The following FHIT variants were observed in gnomAD, a reference collection of about 807,000 sequenced individuals.
The protein encoded by FHIT is bis(5'-adenosyl)-triphosphatase.
Under a neutral mutation model 17.9 loss-of-function variants are expected in FHIT, and 19 were observed. That is an observed-to-expected ratio of 1.06 (90% CI 0.74 to 1.56). FHIT has a LOEUF of 1.56. Ranked by LOEUF, FHIT falls within the 40% of genes most tolerant of loss-of-function variation. The probability of loss-of-function intolerance (pLI) is 0.00; values close to 1 mark genes in which losing one functional copy is unlikely to be tolerated. For synonymous variants in FHIT, 81 were observed against 69.7 expected (o/e 1.16, Z -0.81); for missense variants, 248 against 189.2 (o/e 1.31, Z -1.82).
chr3:60,082,727 T>G (rs1390688975), intron 5 of FHIT, among the ~76,000 whole-genome samples: 1 of 152,140 alleles, frequency 6.6e-6, no homozygotes, highest in African/African-American at 2.4e-5. Flanking sequence ...TGATGATTAG[T>G]GAGGTTGAGC....
chr3:60,532,600 A>T lies in FHIT; in HGVS notation c.103+4260T>A, dbSNP rs751793828. Among the ~76,000 whole-genome samples the T allele has an allele frequency of 1.1e-4, 16 of 152,228 alleles. 1 individual carries two copies. Among genetic ancestry groups the T allele is most frequent in the Middle Eastern group, 6.3e-3 (2 of 316 alleles). ...TTTTCCAGTAACAAGAAATTAATGG[A>T]TTAAAGACATTCTGACATATTCTTC... On this transcript the variant is annotated intron_variant, in intron 5 of 9. Transcript: ENST00000492590.
At chr3:60,232,245 T>C (rs184454279) in intron 5 of FHIT, among the ~76,000 whole-genome samples, 59 of 152,276 alleles carry the variant, frequency 3.9e-4, no homozygotes, top group African/African-American at 1.3e-3. Flanking sequence ...GGTAGGGTGA[T>C]GGAGGTGTTT....
chr3:61,172,944 G>C (rs918516784), intron 2 of FHIT, among the ~76,000 whole-genome samples: 9 of 152,234 alleles, frequency 5.9e-5, no homozygotes, highest in African/African-American at 2.2e-4. Flanking sequence ...GAGTAAAGCA[G>C]GCCTAGCCAA....
intron 2 of FHIT, among the ~76,000 whole-genome samples, chr3:61,067,493 C>T (rs1259126243): frequency 2.7e-5 from 4 of 148,272 alleles, no homozygotes; most frequent in African/African-American, 4.9e-5. Context: ...ACCCAAGAAG[C>T]TCACCTGAGC....
intron 2 of FHIT, among the ~76,000 whole-genome samples, chr3:61,091,346 A>C (rs1364549035): frequency 6.6e-6 from 1 of 152,216 alleles, no homozygotes; most frequent in Admixed American, 6.5e-5. Flanking sequence ...GCCTCTTATT[A>C]ATCTAAGAAG....
chr3:60,382,764 T>A (rs1393191025), intron 5 of FHIT, among the ~76,000 whole-genome samples: 2 of 152,182 alleles, frequency 1.3e-5, no homozygotes, highest in Admixed American at 1.3e-4. Flanking sequence ...TAAAAAGAAC[T>A]GTATACAACA....
chr3:60,476,177 AC>A (rs962640861), intron 5 of FHIT, among the ~76,000 whole-genome samples: 12 of 152,202 alleles, frequency 7.9e-5, no homozygotes, highest in African/African-American at 2.9e-4. Context: ...TATTTAACGT[AC>A]CTGAGCCTCA....
intron 5 of FHIT, among the ~76,000 whole-genome samples, chr3:60,307,243 G>A (rs867533902): frequency 6.6e-6 from 1 of 152,104 alleles, no homozygotes; most frequent in Admixed American, 6.6e-5. Context: ...AACATCTACA[G>A]AGAAGTCTTA....
chr3:60,406,335 G>A (rs1460433393), intron 5 of FHIT, among the ~76,000 whole-genome samples: 1 of 152,128 alleles, frequency 6.6e-6, no homozygotes, highest in Non-Finnish European at 1.5e-5. Flanking sequence ...CTGAGAACCA[G>A]GCAATCTTAC....
At chr3:60,595,209 G>T (rs185692333) in intron 4 of FHIT, among the ~76,000 whole-genome samples, 8 of 152,130 alleles carry the variant, frequency 5.3e-5, no homozygotes, top group Non-Finnish European at 1.5e-5. Context: ...AGAGAACAGA[G>T]AAAAAAGCTA....
chr3:60,950,207 A>T (rs1708816597), intron 3 of FHIT, among the ~76,000 whole-genome samples: 1 of 152,234 alleles, frequency 6.6e-6, no homozygotes, highest in Non-Finnish European at 1.5e-5. Flanking sequence ...GTGAGGCATG[A>T]CTACACTATG....
chr3:60,156,974 G>A (rs554999270), intron 5 of FHIT, among the ~76,000 whole-genome samples: 33 of 151,732 alleles, frequency 2.2e-4, no homozygotes, highest in South Asian at 1.3e-3. Context: ...TGTTAGATAC[G>A]ACTCTTATGA....
chr3:60,585,518 T>C (rs1365311092), intron 4 of FHIT, among the ~76,000 whole-genome samples: 1 of 152,034 alleles, frequency 6.6e-6, no homozygotes, highest in Non-Finnish European at 1.5e-5. Flanking sequence ...CAACAAAATA[T>C]TTAATGAAAT....
chr3:59,916,403 C>T (rs371532063), intron 8 of FHIT, among the ~76,000 whole-genome samples: 3 of 152,232 alleles, frequency 2.0e-5, no homozygotes, highest in African/African-American at 4.8e-5. Context: ...CTTGCTCCTC[C>T]GCTTGCAGAT....
intron 5 of FHIT, among the ~76,000 whole-genome samples, chr3:60,229,428 AAAAAAAAAAGAAAAAG>A (rs1234391435): frequency 1.3e-5 from 2 of 151,904 alleles, no homozygotes; most frequent in Admixed American, 1.3e-4. Flanking sequence ...CAAAAAGAAA[AAAAAAAAAAGAAAAAG>A]AAAAGAAAAG....
chr3:59,792,902 A>G (rs1035573478), intron 8 of FHIT, among the ~76,000 whole-genome samples: 4 of 151,220 alleles, frequency 2.6e-5, no homozygotes. Flanking sequence ...CTCCTTGAAA[A>G]TCTGATGAAG....
At chr3:60,418,953 A>T (rs1312313752) in intron 5 of FHIT, among the ~76,000 whole-genome samples, 1 of 152,180 alleles carries the variant, frequency 6.6e-6, no homozygotes, top group African/African-American at 2.4e-5. Context: ...ATAGAATTAC[A>T]AGGTCTTACA....
In FHIT at chr3:60,789,156, G is replaced by GTA. The variant is rs782494801; in HGVS notation, c.-18+32761_-18+32762dup. ...TATAGAGAGAGATGTGTGTGTGTGT[G>GTA]TATATATATATATATATATAGAGAG... is the stretch of plus-strand genomic sequence containing the variant. On this transcript the variant is annotated intron_variant, in intron 4 of 9. Transcript: ENST00000492590. 9.6e-3 allele frequency among the ~76,000 whole-genome samples: 1,261 copies of GTA among 131,064 alleles called. 31 individuals are homozygous for GTA. In the East Asian group the frequency reaches 0.097, roughly 10 times the overall value. 86.0% of individuals were successfully genotyped at this position (131,064 alleles called of 152,430 possible). A position where few individuals can be genotyped will look rare whatever the true frequency, so the allele number is the denominator to read the frequency against.
chr3:60,189,199 G>GA (rs1369689996), intron 5 of FHIT, among the ~76,000 whole-genome samples: 130 of 149,452 alleles, frequency 8.7e-4, no homozygotes, highest in Non-Finnish European at 1.3e-3. Context: ...AAATGAAAGG[G>GA]AAAAAAAAAT....
Sources: gnomAD v4.1 joint callset for allele counts (sites outside exome capture counted in the v4.1 genomes callset) on GRCh38, gnomAD v4.1.1 for gene constraint, MANE v1.5 for transcripts, NCBI Gene and HGNC (gene_info 2026-07-23, HGNC 2026-07-21) for gene names.